Variants in TUT4 observed in about 807,000 individuals in gnomAD.
The protein encoded by TUT4 is terminal uridylyltransferase 4.
Under a neutral mutation model 192.2 loss-of-function variants are expected in TUT4, and 36 were observed. The observed-to-expected ratio is 0.19, with a 90% confidence interval of 0.14 to 0.25. The LOEUF is 0.25. Among genes scored for constraint, TUT4 ranks in the 10% least tolerant of loss-of-function variants. The pLI is 1.00. For missense variants in TUT4, 1,493 were observed against 1,957.2 expected (o/e 0.76, Z 4.47); for synonymous variants, 618 against 666.0 (o/e 0.93, Z 1.11).
chr1:52,471,392 C>G (rs916350737), intron 14 of TUT4, among the ~76,000 whole-genome samples: 1 of 152,192 alleles, frequency 6.6e-6, no homozygotes, highest in African/African-American at 2.4e-5. Flanking sequence ...ATCATTAATC[C>G]TGATTCCTCT....
In TUT4 at chr1:52,436,812, C is replaced by T. The variant is rs1018616455; in HGVS notation, c.4105G>A (p.Val1369Ile). 20 of 1,613,832 alleles carry T rather than the reference C, an allele frequency of 1.2e-5. No individual in the cohort carries two copies. Among genetic ancestry groups the T allele is most frequent in the Non-Finnish European group, 1.7e-5 (20 of 1,180,030 alleles). ...RCFICGDAGH[V>I]RRECPEVKLA... ...TTGACCTCTGGGCACTCCCTTCGTA[C>T]ATGTCCAGCATCTCCACATATAAAA... Residue 1369 changes from valine (V) to isoleucine (I), a missense_variant, in exon 26 of 30, where the codon GTA becomes ATA. Val to Ile is a conservative substitution (Grantham distance 29). Around this residue, in one of 7 missense-constraint regions of TUT4, gnomAD observed 351 missense variants for 397.8 expected, o/e 0.88. Coordinates refer to ENST00000257177, the MANE Select transcript of TUT4 (RefSeq NM_001009881.3).
chr1:52,530,373 A>G (rs1374691304), intron 1 of TUT4, among the ~76,000 whole-genome samples: 1 of 152,000 alleles, frequency 6.6e-6, no homozygotes, highest in African/African-American at 2.4e-5. Flanking sequence ...GTAGGTGTAT[A>G]TATTTATGGG....
chr1:52,441,593 G>A (rs948567843), intron 24 of TUT4, among the ~76,000 whole-genome samples: 7 of 151,324 alleles, frequency 4.6e-5, no homozygotes, highest in African/African-American at 9.7e-5. Context: ...GCGCCTGGCC[G>A]GCATACTGCA....
Position 52,425,457 on chromosome 1 carries a change from G to A in TUT4, c.4762C>T (p.Arg1588Cys), listed in dbSNP as rs138440685. The A allele has an allele frequency of 1.2e-5, 20 of 1,613,908 alleles. No homozygotes were observed. Among genetic ancestry groups the A allele is most frequent in the Admixed American group, 1.7e-5 (1 of 59,986 alleles). The change falls in exon 29 of 30, where the codon CGT (arginine) becomes TGT (cysteine). Residue 1588 changes from arginine to cysteine, a missense_variant. Physicochemically the swap from Arg to Cys is radical, Grantham distance 180. Around this residue, in one of 7 missense-constraint regions of TUT4, gnomAD observed 351 missense variants for 397.8 expected, o/e 0.88. Coordinates refer to ENST00000257177, the MANE Select transcript of TUT4 (RefSeq NM_001009881.3). ...GCTGGGACAAGGGGGAAATGGGGACGCGGTGCATGTTCCCAAGGAATTGGA... is the reference window on the plus strand; with the variant it reads ...GCTGGGACAAGGGGGAAATGGGGACACGGTGCATGTTCCCAAGGAATTGGA... ...TPPIPWEHAPRPHFPLVPASW... is the reference protein window; with the variant it reads ...TPPIPWEHAPCPHFPLVPASW...
chr1:52,536,725 G>C (rs1360923006), intron 1 of TUT4, among the ~76,000 whole-genome samples: 2 of 152,096 alleles, frequency 1.3e-5, no homozygotes, highest in Non-Finnish European at 2.9e-5. Context: ...GTGGTGGTGG[G>C]TGCTTGTAAT....
chr1:52,458,313 T>TTA, intron 20 of TUT4, 23 bp downstream of exon 20: 1 of 1,582,300 alleles, frequency 6.3e-7, no homozygotes, highest in Non-Finnish European at 8.6e-7. Context: ...AAAAACTCCT[T>TTA]TATAGTTTTC....
rs1370046126 is a variant in TUT4, at chr1:52,424,006, T to C, written c.4871-4A>G. ...CACCGACGGGTGGCACATCTGTCTGTTGGATACAACACAGACAGGAAACTG... is the reference window on the plus strand; with the variant it reads ...CACCGACGGGTGGCACATCTGTCTGCTGGATACAACACAGACAGGAAACTG... On this transcript the variant is annotated splice_polypyrimidine_tract_variant and splice_region_variant and intron_variant, in intron 29 of 29. Coordinates refer to ENST00000257177, the MANE Select transcript of TUT4 (RefSeq NM_001009881.3). The C allele has an allele frequency of 1.4e-5, 23 of 1,608,668 alleles. No homozygotes were observed. Among genetic ancestry groups the C allele is most frequent in the East Asian group, 2.2e-5 (1 of 44,696 alleles).
Position 52,475,205 on chromosome 1 carries a change from A to C in TUT4, c.2354T>G (p.Val785Gly), listed in dbSNP as rs760058194. 1.4e-5 allele frequency: 23 copies of C among 1,614,154 alleles called. No individual in the cohort carries two copies. In the East Asian group the frequency reaches 5.1e-4, roughly 36 times the overall value. Residue 785 changes from valine (V) to glycine (G), a missense_variant, in exon 13 of 30, where the codon GTA becomes GGA. Val to Gly is a moderately radical substitution (Grantham distance 109). Coordinates refer to ENST00000257177, the MANE Select transcript of TUT4 (RefSeq NM_001009881.3). ...GTGGTCAGCAAAATCTAGTTCATTT[A>C]CCAACAAATTGTTGTTGTCAATAAT... ...RCIIDNNNLL[V>G]NELDFADHGQ...
chr1:52,492,810 G>A (rs533249440), intron 7 of TUT4, among the ~76,000 whole-genome samples: 18 of 152,256 alleles, frequency 1.2e-4, no homozygotes, highest in African/African-American at 4.3e-4. Flanking sequence ...AGGCAATCCA[G>A]ACAGAAAAAG....
At chr1:52,478,639 A>G (rs1667702959) in intron 11 of TUT4, among the ~76,000 whole-genome samples, 1 of 152,160 alleles carries the variant, frequency 6.6e-6, no homozygotes, top group Non-Finnish European at 1.5e-5. Context: ...GACTATTAGG[A>G]GGGGAGAGAC....
intron 1 of TUT4, 115 bp from the exon 2 acceptor site, chr1:52,526,488 TAAAAA>T (rs11309315): frequency 3.1e-5 from 7 of 229,346 alleles, no homozygotes; most frequent in African/African-American, 1.4e-4. Flanking sequence ...AAGAAATTGT[TAAAAA>T]AAAAAAAAAA....
intron 1 of TUT4, among the ~76,000 whole-genome samples, chr1:52,530,452 C>A (rs1006626668): frequency 6.6e-6 from 1 of 152,056 alleles, no homozygotes; most frequent in Non-Finnish European, 1.5e-5. Context: ...GGGTATCCAT[C>A]CCCTCAAGCA....
chr1:52,451,010 A>G (rs536588396), intron 20 of TUT4, among the ~76,000 whole-genome samples: 6 of 152,352 alleles, frequency 3.9e-5, no homozygotes, highest in Admixed American at 2.6e-4. Flanking sequence ...ACACGCCTGT[A>G]ATCCCAGCAC....
At chr1:52,498,708 G>A (rs1046347163) in intron 4 of TUT4, among the ~76,000 whole-genome samples, 3 of 151,360 alleles carry the variant, frequency 2.0e-5, no homozygotes, top group Non-Finnish European at 4.4e-5. Context: ...CCAACATGGT[G>A]TAACCCCGTC....
chr1:52,497,254 G>T (rs1396305383), intron 4 of TUT4, 71 bp from the exon 5 acceptor site: 3 of 1,407,472 alleles, frequency 2.1e-6, no homozygotes, highest in Non-Finnish European at 2.8e-6. Flanking sequence ...ATATTTAGCA[G>T]GGAAAGACAG....
intron 20 of TUT4, among the ~76,000 whole-genome samples, chr1:52,455,327 G>T (rs1173809741): frequency 2.6e-5 from 4 of 151,980 alleles, no homozygotes; most frequent in African/African-American, 9.7e-5. Context: ...TTAGATTGAA[G>T]CAAAAGTAAT....
chr1:52,471,008 CTTTTTTTTTTTTTTT>C (rs771331613), intron 14 of TUT4, among the ~76,000 whole-genome samples: 6 of 82,148 alleles, frequency 7.3e-5, no homozygotes, highest in Non-Finnish European at 1.1e-4. Context: ...GCACTCTATG[CTTTTTTTTTTTTTTT>C]TTTTTTTTTT....
chr1:52,431,469 A>C lies in TUT4; in HGVS notation c.4264-9T>G, dbSNP rs1652036290. 3 of 1,376,522 alleles carry C rather than the reference A, an allele frequency of 2.2e-6. No homozygotes were observed. The highest frequency in any genetic ancestry group is 1.9e-6 in the Non-Finnish European group (2 of 1,041,504). 85.3% of individuals were successfully genotyped at this position (1,376,522 alleles called of 1,614,324 possible). ...TAAGATGGTGATTCAGACTGCAGAC[A>C]AAAAAAAAATTTTTTTTAATTAATT... On this transcript the variant is annotated splice_polypyrimidine_tract_variant and intron_variant, in intron 27 of 29. Coordinates refer to ENST00000257177, the MANE Select transcript of TUT4 (RefSeq NM_001009881.3).
rs141269200 is a variant in TUT4 at position 52,459,513 on chromosome 1, CA to C, written c.3322-1065del. Among the ~76,000 whole-genome samples, 437 of 152,196 alleles carry C rather than the reference CA, an allele frequency of 2.9e-3. 14 individuals carry two copies. The East Asian group carries it at 0.08, about 28-fold the overall frequency. On this transcript the variant is annotated intron_variant, in intron 19 of 29. Coordinates refer to ENST00000257177, the MANE Select transcript of TUT4 (RefSeq NM_001009881.3). ...CTGAGGTAGGAGGATCAATTGAGCC[CA>C]GGAGGTCAAGGCTGCAGTGAGCTGT...
Sources: gnomAD v4.1 joint callset for allele counts (sites outside exome capture counted in the v4.1 genomes callset) on GRCh38, gnomAD v4.1.1 for gene constraint, gnomAD v4.1.1 regional missense constraint, MANE v1.5 for transcripts, NCBI Gene and HGNC (gene_info 2026-07-23, HGNC 2026-07-21) for gene names.